TRANK1: variants seen among roughly 807,000 people sequenced by gnomAD.
The protein encoded by TRANK1 is tetratricopeptide repeat and ankyrin repeat containing 1, also known as TPR and ankyrin repeat-containing protein 1.
Under a neutral mutation model 266.0 loss-of-function variants are expected in TRANK1, and 198 were observed. The observed-to-expected ratio is 0.74, with a 90% CI of 0.66 to 0.84. TRANK1 has a LOEUF of 0.84. Ranked by LOEUF, TRANK1 falls within the 40% of genes least tolerant of loss-of-function variation. TRANK1 has a pLI of 0.00. For synonymous variants in TRANK1, 1,396 were observed against 1,384.1 expected (o/e 1.01, Z -0.19); for missense variants, 3,326 against 3,634.6 (o/e 0.92, Z 2.18).
At chr3:36,838,769 G>A (rs1303033282) in intron 18 of TRANK1, 53 bp from the exon 19 acceptor site, 2 of 1,538,212 alleles carry the variant, frequency 1.3e-6, no homozygotes, top group African/African-American at 2.7e-5. Flanking sequence ...GTAACAGACA[G>A]AACAACGGTT....
At chr3:36,913,965 A>G (rs368750365) in intron 1 of TRANK1, among the ~76,000 whole-genome samples, 10 of 152,274 alleles carry the variant, frequency 6.6e-5, no homozygotes, top group South Asian at 4.1e-4. Context: ...ACACCCAACT[A>G]CATGCACACC....
At chr3:36,902,395 C>T (rs941517030) in intron 3 of TRANK1, among the ~76,000 whole-genome samples, 1 of 152,198 alleles carries the variant, frequency 6.6e-6, no homozygotes, top group South Asian at 2.1e-4. Flanking sequence ...TTCAGATGCT[C>T]CAGAGTGGCT....
chr3:36,908,280 T>C (rs1326010557), intron 2 of TRANK1, 43 bp downstream of exon 2: 1 of 1,231,778 alleles, frequency 8.1e-7, no homozygotes, highest in African/African-American at 1.6e-5. Context: ...CAGAGTCCCA[T>C]GTACTGAAAA....
intron 8 of TRANK1, among the ~76,000 whole-genome samples, chr3:36,884,263 T>C (rs774333628): frequency 6.6e-6 from 1 of 152,204 alleles, no homozygotes; most frequent in Non-Finnish European, 1.5e-5. Flanking sequence ...CAAAAAGTCC[T>C]AGAAACAATG....
chr3:36,845,599 TAA>T (rs776901751), intron 17 of TRANK1, among the ~76,000 whole-genome samples: 17 of 152,260 alleles, frequency 1.1e-4, no homozygotes, highest in Non-Finnish European at 2.2e-4. Flanking sequence ...TTGCATAATA[TAA>T]AGTTACTTAT....
intron 1 of TRANK1, among the ~76,000 whole-genome samples, chr3:36,931,674 G>A (rs2080361949): frequency 6.6e-6 from 1 of 152,124 alleles, no homozygotes; most frequent in African/African-American, 2.4e-5. Context: ...TGCACTACAG[G>A]CTGGACAACA....
chr3:36,930,527 T>G (rs2080347502), intron 1 of TRANK1, among the ~76,000 whole-genome samples: 1 of 152,156 alleles, frequency 6.6e-6, no homozygotes, highest in Admixed American at 6.6e-5. Flanking sequence ...GGTCATTCAT[T>G]ATGGCAGCAA....
Position 36,852,233 on chromosome 3 carries a change from AACAGTTG to A in TRANK1, c.4655_4661del (p.Pro1552LeufsTer7). On this transcript the variant is annotated frameshift_variant, in exon 14 of 24. Coordinates refer to ENST00000645898, the MANE Select transcript of TRANK1 (RefSeq NM_001329998.2). LOFTEE classifies it high-confidence loss of function. The stretch of plus-strand genomic sequence containing the variant: ...AGTCGCTTACACTACAAGACTCCAG[AACAGTTG>A]GCTTAGGACCATCAAAGAGGCCAGA... 6.2e-7 allele frequency: 1 copy of A among 1,613,794 alleles called. No individual in the cohort carries two copies. Among genetic ancestry groups the A allele is most frequent in the Non-Finnish European group, 8.5e-7 (1 of 1,179,844 alleles).
rs192470757 is a variant in TRANK1, at chr3:36,879,303, C to G, written c.908-5007G>C. ...TTCCCCAACATTTAGAAAATCTGTT[C>G]CCTACTGCAGAGGAAATAATATACC... On this transcript the variant is annotated intron_variant, in intron 8 of 23. Coordinates refer to ENST00000645898, the MANE Select transcript of TRANK1 (RefSeq NM_001329998.2). Among the ~76,000 whole-genome samples, 471 of 151,764 alleles carry G rather than the reference C, an allele frequency of 3.1e-3. 2 individuals carry two copies. Among genetic ancestry groups the G allele is most frequent in the African/African-American group, 9.5e-3 (392 of 41,438 alleles).
At chr3:36,894,261 C>T (rs717733) in intron 5 of TRANK1, among the ~76,000 whole-genome samples, 48,533 of 151,810 alleles carry the variant, frequency 0.32, 8,543 homozygotes, top group East Asian at 0.56. Flanking sequence ...ATATCCACCC[C>T]ACACTGGGAA....
rs768571778 is a variant in TRANK1 at position 36,880,028 on chromosome 3, G to A, written c.908-5732C>T. 3.1e-3 allele frequency among the ~76,000 whole-genome samples: 140 copies of A among 44,458 alleles called. 46 individuals are homozygous for A. Among genetic ancestry groups the A allele is most frequent in the Non-Finnish European group, 4.1e-3 (100 of 24,198 alleles). 29.2% of individuals were successfully genotyped at this position (44,458 alleles called of 152,430 possible). A position where few individuals can be genotyped will look rare whatever the true frequency, so the allele number is the denominator to read the frequency against. ...AATATATGTAAACATGCAAATATAT[G>A]TAAACATGCAAATATATGTAAACAT... On this transcript the variant is annotated intron_variant, in intron 8 of 23. Coordinates refer to ENST00000645898, the MANE Select transcript of TRANK1 (RefSeq NM_001329998.2).
At chr3:36,903,876 G>C (rs887911696) in intron 2 of TRANK1, among the ~76,000 whole-genome samples, 5 of 152,158 alleles carry the variant, frequency 3.3e-5, no homozygotes, top group African/African-American at 9.7e-5. Flanking sequence ...AAAATTCAAA[G>C]CAAACCACAA....
chr3:36,920,534 A>T (rs901776522), intron 1 of TRANK1, among the ~76,000 whole-genome samples: 1 of 152,232 alleles, frequency 6.6e-6, no homozygotes, highest in African/African-American at 2.4e-5. Flanking sequence ...GGATTCCAAG[A>T]CAGTGTTTTA....
intron 16 of TRANK1, among the ~76,000 whole-genome samples, chr3:36,846,785 G>A (rs751308361): frequency 2.0e-5 from 3 of 152,134 alleles, no homozygotes; most frequent in Admixed American, 6.5e-5. Context: ...GACAGACCCC[G>A]TGTACTCAGT....
intron 10 of TRANK1, among the ~76,000 whole-genome samples, chr3:36,862,143 A>C (rs887796712): frequency 2.0e-5 from 3 of 152,218 alleles, no homozygotes; most frequent in African/African-American, 7.2e-5. Context: ...TGCAATATTT[A>C]GGGACATATT....
chr3:36,917,360 G>A (rs1575313756), intron 1 of TRANK1, among the ~76,000 whole-genome samples: 1 of 152,124 alleles, frequency 6.6e-6, no homozygotes, highest in East Asian at 1.9e-4. Context: ...TGGGAAAAAA[G>A]AAATATATTC....
In TRANK1 at chr3:36,847,338, C is replaced by T; in HGVS notation, c.4896G>A (p.Lys1632=). The change falls in exon 16 of 24, where the codon AAG becomes AAA. Residue 1632 remains lysine (K), a synonymous_variant. Coordinates refer to ENST00000645898, the MANE Select transcript of TRANK1 (RefSeq NM_001329998.2). ...YNFFTDSEAY[K]EWKIISSFTP... ...TGAATGAGGAAATGATCTTCCATTC[C>T]TTATAAGCCTGAACAACAACAAAAA... 1 of 1,613,388 alleles carries T rather than the reference C, an allele frequency of 6.2e-7. No individual in the cohort carries two copies. Among genetic ancestry groups the T allele is most frequent in the Non-Finnish European group, 8.5e-7 (1 of 1,179,628 alleles).
At chr3:36,850,360 G>A (rs891118716) in intron 15 of TRANK1, 47 of 985,300 alleles carry the variant, frequency 4.8e-5, no homozygotes, top group Admixed American at 6.1e-5. Flanking sequence ...ATTCGCATGC[G>A]AGGCTTTAAA....
In TRANK1 at chr3:36,857,522, G is replaced by T. The variant is rs1471264034; in HGVS notation, c.2200C>A (p.Gln734Lys). 6.2e-7 allele frequency: 1 copy of T among 1,613,992 alleles called. No individual in the cohort carries two copies. Among genetic ancestry groups the T allele is most frequent in the Non-Finnish European group, 8.5e-7 (1 of 1,179,866 alleles). Residue 734 changes from glutamine (Q) to lysine (K), a missense_variant, in exon 13 of 24, where the codon CAG becomes AAG. By Grantham distance (53) the Gln-to-Lys change is moderately conservative. Coordinates refer to ENST00000645898, the MANE Select transcript of TRANK1 (RefSeq NM_001329998.2). The surrounding 1 kb of genome is among the most constrained non-coding windows in gnomAD (Gnocchi z 4.3). Reference protein sequence around the residue: ...RPCSLRDCLMQDITVLIQQVE... With the variant: ...RPCSLRDCLMKDITVLIQQVE... ...TGCTGAATCAAAACTGTGATGTCCTGCATAAGGCAGTCTCTCAGCGAGCAG... is the reference window on the plus strand; with the variant it reads ...TGCTGAATCAAAACTGTGATGTCCTTCATAAGGCAGTCTCTCAGCGAGCAG...
Sources: allele counts gnomAD v4.1 joint callset (sites outside exome capture counted in the v4.1 genomes callset), GRCh38; gene constraint gnomAD v4.1.1; non-coding constraint Gnocchi (gnomAD v3.1); transcripts MANE v1.5; gene names NCBI Gene and HGNC (gene_info 2026-07-23, HGNC 2026-07-21).